GSK3B: variants seen among roughly 807,000 people sequenced by gnomAD.
GSK3B encodes the protein glycogen synthase kinase 3 beta, also known as glycogen synthase kinase-3 beta.
In GSK3B, 15 loss-of-function variants were observed where a neutral mutation model predicts 56.4. The observed-to-expected ratio is 0.27, with a 90% CI of 0.18 to 0.41. The LOEUF (loss-of-function observed/expected upper bound fraction) is 0.41, where lower values mean the gene tolerates loss of function less well. GSK3B is among the 10% of genes least tolerant of loss of function. The pLI is 1.00. For synonymous variants in GSK3B, 181 were observed against 188.9 expected, an observed-to-expected ratio of 0.96 and a Z score of 0.34; for missense variants, 300 against 513.4, an observed-to-expected ratio of 0.58 and a Z score of 4.02.
intron 7 of GSK3B, among the ~76,000 whole-genome samples, chr3:119,877,914 T>G (rs752508145): frequency 2.0e-4 from 31 of 152,186 alleles, no homozygotes; most frequent in Non-Finnish European, 7.4e-5. Context: ...TATAAGACCG[T>G]GTATAAATCA....
At chr3:120,060,316 A>G (rs1318453845) in intron 1 of GSK3B, among the ~76,000 whole-genome samples, 1 of 152,226 alleles carries the variant, frequency 6.6e-6, no homozygotes, top group Non-Finnish European at 1.5e-5. Context: ...ACATTTTAAC[A>G]AGGTCTTAAA....
chr3:120,022,847 C>T (rs2057891121), intron 1 of GSK3B, among the ~76,000 whole-genome samples: 1 of 152,154 alleles, frequency 6.6e-6, no homozygotes, highest in African/African-American at 2.4e-5. Flanking sequence ...TTATCACTGC[C>T]TGAGAAATAA....
chr3:119,902,791 T>G (rs1399246064), intron 7 of GSK3B, among the ~76,000 whole-genome samples: 1 of 152,186 alleles, frequency 6.6e-6, no homozygotes, highest in Non-Finnish European at 1.5e-5. Flanking sequence ...CTTGGCTTAC[T>G]GCAACATTTG....
intron 1 of GSK3B, among the ~76,000 whole-genome samples, chr3:120,020,559 T>C (rs994709053): frequency 5.3e-5 from 8 of 152,184 alleles, no homozygotes; most frequent in Non-Finnish European, 1.0e-4. Flanking sequence ...AATAGATTAA[T>C]ATTGTGTATG....
intron 5 of GSK3B, among the ~76,000 whole-genome samples, chr3:119,915,814 T>C (rs1049900959): frequency 6.6e-6 from 1 of 152,166 alleles, no homozygotes. Flanking sequence ...ATTGTAAATA[T>C]GTATTCCTAA....
chr3:119,994,032 T>C (rs2057591204), intron 2 of GSK3B, among the ~76,000 whole-genome samples: 1 of 152,150 alleles, frequency 6.6e-6, no homozygotes, highest in Non-Finnish European at 1.5e-5. Flanking sequence ...CAGCTATTTT[T>C]TTCTATTTTT....
rs201445351 is a variant in GSK3B, at chr3:119,905,872, A to G, written c.716-20T>C. 31 of 1,327,122 alleles carry G rather than the reference A, an allele frequency of 2.3e-5. No individual in the cohort carries two copies. The highest frequency in any genetic ancestry group is 3.4e-5 in the Admixed American group (2 of 59,532). The allele number at this position is 1,327,122 out of a possible 1,614,324, so 82.2% of individuals were successfully genotyped here. ...ATACATCTAAAGAGAAAAGAAAACG[A>G]AGCCTTATTAATACTTCATAGCTTG... On this transcript the variant is annotated intron_variant, in intron 6 of 10. Coordinates refer to ENST00000264235, the MANE Select transcript of GSK3B (RefSeq NM_001146156.2).
chr3:120,025,816 C>T lies in GSK3B; in HGVS notation c.89-23577G>A, dbSNP rs577367645. ...AGGCAGAAGATGTTTGTAGAAAAAC[C>T]AACACACTAAGTTATGAAAAAACAG... On this transcript the variant is annotated intron_variant, in intron 1 of 10. Coordinates refer to ENST00000264235, the MANE Select transcript of GSK3B (RefSeq NM_001146156.2). Among the ~76,000 whole-genome samples, 8 of 152,214 alleles carry T rather than the reference C, an allele frequency of 5.3e-5. No homozygotes were observed. In the South Asian group the frequency reaches 1.7e-3, roughly 32 times the overall value.
At chr3:120,090,053 T>G (rs1202843406) in intron 1 of GSK3B, among the ~76,000 whole-genome samples, 2 of 152,070 alleles carry the variant, frequency 1.3e-5, no homozygotes, top group Non-Finnish European at 2.9e-5. Flanking sequence ...TTTAAAATAA[T>G]AGTAATAATC....
intron 1 of GSK3B, among the ~76,000 whole-genome samples, chr3:120,020,209 A>G (rs1421525651): frequency 6.6e-6 from 1 of 152,208 alleles, no homozygotes; most frequent in Non-Finnish European, 1.5e-5. Flanking sequence ...CATTAATTCC[A>G]TTTCTGCAAG....
intron 9 of GSK3B, 131 bp from the exon 10 acceptor site, chr3:119,843,484 T>G: frequency 2.5e-6 from 1 of 405,506 alleles, no homozygotes; most frequent in Admixed American, 3.4e-5. Context: ...GGCTCACGCC[T>G]GTAATCCTAG....
intron 7 of GSK3B, among the ~76,000 whole-genome samples, chr3:119,887,614 A>G (rs2056452464): frequency 6.6e-6 from 1 of 152,116 alleles, no homozygotes; most frequent in Non-Finnish European, 1.5e-5. Flanking sequence ...GGAGGGAAAA[A>G]ACATGTACAC....
intron 9 of GSK3B, among the ~76,000 whole-genome samples, chr3:119,858,008 C>T (rs747055397): frequency 2.0e-5 from 3 of 152,172 alleles, no homozygotes; most frequent in Non-Finnish European, 2.9e-5. Context: ...AGCAGTAGGT[C>T]TCAACAGTGG....
rs188284521 is a variant in GSK3B at position 119,829,520 on chromosome 3, C to T, written c.1196-2665G>A. 2.4e-4 allele frequency among the ~76,000 whole-genome samples: 37 copies of T among 152,330 alleles called. No homozygotes were observed. In the East Asian group the frequency reaches 6.0e-3, roughly 25 times the overall value. The stretch of plus-strand genomic sequence containing the variant: ...GCCAACATGGAGAGAGCAGCTCTGG[C>T]CACGGCAGCCATTAACTACACTGGC... On this transcript the variant is annotated intron_variant, in intron 10 of 10. Transcript: ENST00000264235.
chr3:119,851,325 C>A (rs1199325439), intron 9 of GSK3B, among the ~76,000 whole-genome samples: 1 of 152,174 alleles, frequency 6.6e-6, no homozygotes, highest in Non-Finnish European at 1.5e-5. Flanking sequence ...ATAAAGCAGT[C>A]TTTTCCAATG....
At chr3:119,912,630 G>C in intron 6 of GSK3B, 74 bp downstream of exon 6, 2 of 640,888 alleles carry the variant, frequency 3.1e-6, no homozygotes, top group South Asian at 2.3e-5. Flanking sequence ...TAAAAGTACA[G>C]ATTAGTAGTA....
At chr3:119,985,764 G>A (rs1411726312) in intron 2 of GSK3B, among the ~76,000 whole-genome samples, 2 of 152,156 alleles carry the variant, frequency 1.3e-5, no homozygotes, top group African/African-American at 4.8e-5. Flanking sequence ...ACTGCCCAAA[G>A]TAATTTATAG....
intron 1 of GSK3B, among the ~76,000 whole-genome samples, chr3:120,074,813 C>T (rs973908518): frequency 6.6e-6 from 1 of 152,186 alleles, no homozygotes; most frequent in African/African-American, 2.4e-5. Context: ...CAGACAGCTT[C>T]ACAGCTTAAT....
At chr3:119,887,973 G>A (rs1267348364) in intron 7 of GSK3B, among the ~76,000 whole-genome samples, 1 of 151,970 alleles carries the variant, frequency 6.6e-6, no homozygotes, top group Non-Finnish European at 1.5e-5. Context: ...ATAAACCCTG[G>A]AAACCAAGGG....
Sources: gnomAD v4.1 joint callset for allele counts (sites outside exome capture counted in the v4.1 genomes callset) on GRCh38, gnomAD v4.1.1 for gene constraint, MANE v1.5 for transcripts, NCBI Gene and HGNC (gene_info 2026-07-23, HGNC 2026-07-21) for gene names.